RPRD2: variants seen among roughly 807,000 people sequenced by gnomAD.
RPRD2 encodes regulation of nuclear pre-mRNA domain-containing protein 2.
Under a neutral mutation model 104.4 loss-of-function variants are expected in RPRD2, and 12 were observed. That is an observed-to-expected ratio of 0.11 (90% CI 0.07 to 0.19). RPRD2 has a LOEUF of 0.19. Among genes scored for constraint, RPRD2 ranks in the 10% least tolerant of loss-of-function variants. The pLI, the probability that RPRD2 is intolerant of heterozygous loss-of-function variation, is 1.00. For missense variants in RPRD2, 1,543 were observed against 1,790.1 expected (o/e 0.86, Z 2.49); for synonymous variants, 714 against 684.9 (o/e 1.04, Z -0.66).
chr1:150,411,325 C>G (rs1042080474), intron 1 of RPRD2, among the ~76,000 whole-genome samples: 4 of 146,514 alleles, frequency 2.7e-5, no homozygotes, highest in East Asian at 4.1e-4. Context: ...GCCAGGCGTG[C>G]TGATGCGCAC....
Position 150,364,873 on chromosome 1 carries a change from A to G in RPRD2, c.159A>G (p.Lys53=). The G allele has an allele frequency of 6.2e-7, 1 of 1,614,022 alleles. No individual in the cohort carries two copies. Among genetic ancestry groups the G allele is most frequent in the Non-Finnish European group, 8.5e-7 (1 of 1,179,884 alleles). The change falls in exon 1 of 11, where the codon AAA becomes AAG. Residue 53 remains lysine, a synonymous_variant. Transcript: ENST00000369068. ...GLSSWCIENK[K]HHSTIVYHWM... ...CGTCTTGGTGTATAGAGAACAAAAAACACCACAGTACTATCGTCTATCATT... is the reference window on the plus strand; with the variant it reads ...CGTCTTGGTGTATAGAGAACAAAAAGCACCACAGTACTATCGTCTATCATT...
chr1:150,423,631 C>A (rs1383198278), intron 2 of RPRD2, among the ~76,000 whole-genome samples: 1 of 151,916 alleles, frequency 6.6e-6, no homozygotes, highest in African/African-American at 2.4e-5. Flanking sequence ...CAGTTAAATA[C>A]CCATAATCTG....
At chr1:150,439,983 A>G (rs767084490) in intron 2 of RPRD2, among the ~76,000 whole-genome samples, 9 of 148,478 alleles carry the variant, frequency 6.1e-5, no homozygotes, top group Non-Finnish European at 1.3e-4. Flanking sequence ...TTTTTTTTTG[A>G]GACAAGGTCT....
chr1:150,374,859 G>GC (rs1572345306), intron 1 of RPRD2, among the ~76,000 whole-genome samples: 1 of 152,110 alleles, frequency 6.6e-6, no homozygotes, highest in Non-Finnish European at 1.5e-5. Context: ...CTTTGTCTCA[G>GC]CCCCCCAAAG....
chr1:150,376,702 G>A (rs587619201), intron 1 of RPRD2, among the ~76,000 whole-genome samples: 9 of 151,222 alleles, frequency 6.0e-5, no homozygotes, highest in Admixed American at 3.9e-4. Flanking sequence ...GGGTTTCACC[G>A]TGTTAGCCAG....
chr1:150,402,824 G>A (rs1553885707), intron 1 of RPRD2, among the ~76,000 whole-genome samples: 2 of 152,082 alleles, frequency 1.3e-5, no homozygotes, highest in Admixed American at 1.3e-4. Context: ...AAAATTAGCC[G>A]GGCATGATGG....
At position 150,475,032 on chromosome 1, in the gene RPRD2, T is replaced by C. The variant is rs901153157; in HGVS notation, c.*1698T>C. 2.6e-5 allele frequency: 4 copies of C among 152,118 alleles called. No homozygotes were observed. The highest frequency in any genetic ancestry group is 9.7e-5 in the African/African-American group (4 of 41,404). 9.4% of individuals were successfully genotyped at this position (152,118 alleles called of 1,614,324 possible). On this transcript the variant is annotated 3_prime_UTR_variant, in exon 11 of 11. Transcript: ENST00000369068. ...TTTGGGCTCGCCATGTGTTCTGGGG[T>C]TAGGATGCTGCAGGTCATTCATCTT...
At position 150,471,317 on chromosome 1, in the gene RPRD2, G is replaced by T. The variant is rs587666172; in HGVS notation, c.2369G>T (p.Arg790Leu). The T allele has an allele frequency of 6.2e-7, 1 of 1,612,688 alleles. No individual in the cohort carries two copies. The highest frequency in any genetic ancestry group is 1.7e-5 in the Admixed American group (1 of 59,834). Residue 790 changes from arginine (R) to leucine (L), a missense_variant, in exon 11 of 11, where the codon CGA becomes CTA. Around this residue, in one of 4 missense-constraint regions of RPRD2, gnomAD observed 880 missense variants for 885.6 expected, o/e 0.99. Coordinates refer to ENST00000369068, the MANE Select transcript of RPRD2 (RefSeq NM_015203.5). This position sits in a 1 kb window ranked among gnomAD's most constrained non-coding sequence, Gnocchi z 5.3. ...CTCTCCAATTCTGTATCTACATATC[G>T]ACCCTTTGGTCTGGGCAGTGAATCT... ...RELSNSVSTY[R>L]PFGLGSESPY...
intron 1 of RPRD2, among the ~76,000 whole-genome samples, chr1:150,367,253 G>A (rs587690106): frequency 2.6e-5 from 4 of 152,294 alleles, no homozygotes; most frequent in Admixed American, 2.6e-4. Context: ...AAAGCGTTTT[G>A]AGAGAAATAT....
chr1:150,403,185 G>T lies in RPRD2; in HGVS notation c.206-14411G>T, dbSNP rs115741575. 2.0e-3 allele frequency among the ~76,000 whole-genome samples: 304 copies of T among 152,206 alleles called. 1 individual carries two copies. Among genetic ancestry groups the T allele is most frequent in the African/African-American group, 7.0e-3 (289 of 41,518 alleles). On this transcript the variant is annotated intron_variant, in intron 1 of 10. Transcript: ENST00000369068. Reference sequence around the variant, plus strand: ...TTCTCTACATACCCAGTTCCATTTTGAATAATGTCTGCTATATTATTATAG... The same window carrying T: ...TTCTCTACATACCCAGTTCCATTTTTAATAATGTCTGCTATATTATTATAG...
chr1:150,374,042 A>G (rs587639308), intron 1 of RPRD2, among the ~76,000 whole-genome samples: 3 of 152,298 alleles, frequency 2.0e-5, no homozygotes, highest in African/African-American at 7.2e-5. Context: ...GATGGTTGGC[A>G]TCCCCTGGGT....
At chr1:150,449,021 T>C (rs1666983670) in intron 7 of RPRD2, among the ~76,000 whole-genome samples, 1 of 152,156 alleles carries the variant, frequency 6.6e-6, no homozygotes, top group Non-Finnish European at 1.5e-5. Flanking sequence ...TTCCAACACT[T>C]TGGGAGGCTG....
At chr1:150,370,740 A>G (rs1660239338) in intron 1 of RPRD2, among the ~76,000 whole-genome samples, 1 of 151,532 alleles carries the variant, frequency 6.6e-6, no homozygotes, top group South Asian at 2.1e-4. Context: ...CACCCAGCTA[A>G]TTTTTTGTAT....
intron 1 of RPRD2, among the ~76,000 whole-genome samples, chr1:150,376,551 A>G (rs1553879526): frequency 6.7e-6 from 1 of 148,712 alleles, no homozygotes. Flanking sequence ...CCCAGGCTGG[A>G]GTGCAGTGGC....
chr1:150,386,805 A>G (rs6680474), intron 1 of RPRD2, among the ~76,000 whole-genome samples: 4,198 of 152,254 alleles, frequency 0.028, 189 homozygotes, highest in African/African-American at 0.095. Flanking sequence ...GGATACTCAC[A>G]ATGCTTGAGC....
intron 7 of RPRD2, among the ~76,000 whole-genome samples, chr1:150,449,055 A>C (rs1553896082): frequency 6.6e-6 from 1 of 152,214 alleles, no homozygotes. Context: ...ACTTGAGGCC[A>C]GGAGTTCAAG....
Position 150,373,367 on chromosome 1 carries a change from T to A in RPRD2, c.205+8448T>A, listed in dbSNP as rs587605675. Among the ~76,000 whole-genome samples the A allele has an allele frequency of 2.0e-5, 3 of 151,986 alleles. 1 individual carries two copies. In the East Asian group the frequency reaches 5.8e-4, roughly 29 times the overall value. On this transcript the variant is annotated intron_variant, in intron 1 of 10. Transcript: ENST00000369068. ...TTTCTGCTGGAACAGGGATACCAAT[T>A]AGATGGCTATTGTAATCCAGTGTAA...
At chr1:150,399,540 T>A (rs1260388) in intron 1 of RPRD2, among the ~76,000 whole-genome samples, 1 of 151,760 alleles carries the variant, frequency 6.6e-6, no homozygotes, top group African/African-American at 2.4e-5. Context: ...GTGGATCACC[T>A]GAGGTCAGGA....
intron 1 of RPRD2, among the ~76,000 whole-genome samples, chr1:150,413,754 C>T (rs982003213): frequency 2.0e-5 from 3 of 151,562 alleles, no homozygotes; most frequent in South Asian, 4.2e-4. Context: ...AGAGAAACCC[C>T]GTCTCTACTT....
Sources: gnomAD v4.1 joint callset for allele counts (sites outside exome capture counted in the v4.1 genomes callset) on GRCh38, gnomAD v4.1.1 for gene constraint, gnomAD v4.1.1 regional missense constraint, Gnocchi (gnomAD v3.1) non-coding constraint, MANE v1.5 for transcripts, NCBI Gene and HGNC (gene_info 2026-07-23, HGNC 2026-07-21) for gene names.